The following PTGIS variants were observed in gnomAD, a reference collection of about 807,000 sequenced individuals.
The protein encoded by PTGIS is prostaglandin I2 synthase.
A neutral mutation model predicts 50.3 loss-of-function variants in PTGIS; 45 were observed. The ratio of observed to expected loss-of-function variants is 0.90; its 90% CI spans 0.70 to 1.15. The LOEUF (loss-of-function observed/expected upper bound fraction) is 1.15. Among genes scored for constraint, PTGIS ranks in the 50% most tolerant of loss-of-function variants. The pLI is 0.00. For missense variants in PTGIS, 668 were observed against 661.3 expected (o/e 1.01, Z -0.11); for synonymous variants, 260 against 267.7 (o/e 0.97, Z 0.28).
At chr20:49,515,220 T>C (rs918054664) in intron 6 of PTGIS, among the ~76,000 whole-genome samples, 12 of 152,252 alleles carry the variant, frequency 7.9e-5, no homozygotes, top group African/African-American at 2.4e-4. Context: ...ACTTGAAGAA[T>C]AAATGTGTGT....
rs769808976 is a variant in PTGIS at position 49,539,627 on chromosome 20, T to C, written c.616A>G (p.Thr206Ala). The change falls in exon 5 of 10, where the codon ACC (threonine) becomes GCC (alanine). Residue 206 changes from threonine to alanine, a missense_variant. Transcript: ENST00000244043. ...DRVHSADVFHTFRQLDRLLPK... is the reference protein window; with the variant it reads ...DRVHSADVFHAFRQLDRLLPK... ...AGCAGCCGGTCGAGCTGGCGAAAGG[T>C]GTGGAAGACATCAGCTGAGTGGACG... The C allele has an allele frequency of 3.1e-6, 5 of 1,613,742 alleles. No homozygotes were observed. In the Middle Eastern group the frequency reaches 4.9e-4, roughly 160 times the overall value.
chr20:49,536,148 T>C (rs1982062871), intron 5 of PTGIS, among the ~76,000 whole-genome samples: 1 of 152,232 alleles, frequency 6.6e-6, no homozygotes, highest in South Asian at 2.1e-4. Flanking sequence ...TTGTCTCTAG[T>C]TGTGAGAACA....
chr20:49,552,562 C>T, intron 1 of PTGIS, among the ~76,000 whole-genome samples: 1 of 151,972 alleles, frequency 6.6e-6, no homozygotes, highest in Non-Finnish European at 1.5e-5. Context: ...TAGAGATATA[C>T]ATTTCCCTAT....
intron 1 of PTGIS, 67 bp downstream of exon 1, chr20:49,567,976 T>A: frequency 7.1e-7 from 1 of 1,405,544 alleles, no homozygotes; most frequent in Non-Finnish European, 9.3e-7. Flanking sequence ...TCCGAGACCC[T>A]TGGGCTGCAG....
intron 6 of PTGIS, among the ~76,000 whole-genome samples, chr20:49,515,333 AG>A (rs1199207017): frequency 6.6e-6 from 1 of 152,206 alleles, no homozygotes; most frequent in East Asian, 1.9e-4. Flanking sequence ...TAGGAAAACG[AG>A]TGGAATTTCT....
chr20:49,567,306 G>A (rs1279235448), intron 1 of PTGIS, among the ~76,000 whole-genome samples: 1 of 152,198 alleles, frequency 6.6e-6, no homozygotes, highest in Non-Finnish European at 1.5e-5. Context: ...GCTCAATGGA[G>A]CTGGAAAACC....
In PTGIS at chr20:49,504,270, C is replaced by T. The variant is rs942354097; in HGVS notation, c.*3650G>A. ...GTAACAGAGAAGAGAGAGCTCTCAGCCTTGGCCACACCAGCATGGAGCCCC... is the reference window on the plus strand; with the variant it reads ...GTAACAGAGAAGAGAGAGCTCTCAGTCTTGGCCACACCAGCATGGAGCCCC... On this transcript the variant is annotated 3_prime_UTR_variant, in exon 10 of 10. Coordinates refer to ENST00000244043, the MANE Select transcript of PTGIS (RefSeq NM_000961.4). 6.6e-6 allele frequency: 1 copy of T among 152,262 alleles called. No homozygotes were observed. Among genetic ancestry groups the T allele is most frequent in the Non-Finnish European group, 1.5e-5 (1 of 68,080 alleles). The allele number at this position is 152,262 out of a possible 1,614,324, so 9.4% of individuals were successfully genotyped here.
At chr20:49,543,622 C>T (rs1214554666) in intron 4 of PTGIS, among the ~76,000 whole-genome samples, 1 of 152,178 alleles carries the variant, frequency 6.6e-6, no homozygotes, top group East Asian at 1.9e-4. Context: ...CTGCTGTTTC[C>T]CCTGCCTAGA....
Position 49,513,168 on chromosome 20 carries a change from C to G in PTGIS, c.1118G>C (p.Arg373Pro). The part of the protein sequence containing the change: ...VDLAMPMADG[R>P]EFNLRRGDRL... ...GTCACCACGTCGCAGGTTGAATTCT[C>G]GCCCGTCTGCCATGGGCATGGCCAG... Residue 373 changes from arginine (R) to proline (P), a missense_variant, in exon 8 of 10, where the codon CGA (arginine) becomes CCA (proline). Physicochemically the swap from Arg to Pro is moderately radical, Grantham distance 103 (BLOSUM62 -2). Transcript: ENST00000244043. 1 of 1,614,152 alleles carries G rather than the reference C, an allele frequency of 6.2e-7. No individual in the cohort carries two copies. The highest frequency in any genetic ancestry group is 8.5e-7 in the Non-Finnish European group (1 of 1,180,032).
rs1442261381 is a variant in PTGIS at position 49,512,057 on chromosome 20, G to A, written c.1207-878C>T. On this transcript the variant is annotated intron_variant, in intron 8 of 9. Coordinates refer to ENST00000244043, the MANE Select transcript of PTGIS (RefSeq NM_000961.4). ...AGTGAGTGGGTAGATAAATGAGTGG[G>A]TGGATGGATGGATAAATGAGTAGAT... 4.6e-5 allele frequency among the ~76,000 whole-genome samples: 7 copies of A among 151,630 alleles called. 1 individual carries two copies. Among genetic ancestry groups the A allele is most frequent in the Admixed American group, 1.3e-4 (2 of 15,192 alleles).
At chr20:49,517,304 G>A (rs1601181477) in intron 6 of PTGIS, among the ~76,000 whole-genome samples, 2 of 152,198 alleles carry the variant, frequency 1.3e-5, no homozygotes, top group African/African-American at 4.8e-5. Flanking sequence ...ATCTGGCCCA[G>A]ATGGTTAGAT....
intron 1 of PTGIS, among the ~76,000 whole-genome samples, chr20:49,562,363 C>A (rs895418372): frequency 6.6e-6 from 1 of 152,250 alleles, no homozygotes; most frequent in Non-Finnish European, 1.5e-5. Context: ...GGCAGCTTTC[C>A]TCTTTCCCCA....
Position 49,511,198 on chromosome 20 carries a change from C to T in PTGIS, c.1207-19G>A. The T allele has an allele frequency of 1.2e-6, 2 of 1,613,606 alleles. No individual in the cohort carries two copies. Among genetic ancestry groups the T allele is most frequent in the Non-Finnish European group, 1.7e-6 (2 of 1,179,982 alleles). ...TAAATACCTGAAATAGGAAGAAGGTCCTTTTCTGACCCCATTCCCAGAACA... is the reference window on the plus strand; with the variant it reads ...TAAATACCTGAAATAGGAAGAAGGTTCTTTTCTGACCCCATTCCCAGAACA... On this transcript the variant is annotated intron_variant, in intron 8 of 9. Transcript: ENST00000244043.
At chr20:49,539,459 C>T (rs1982165775) in intron 5 of PTGIS, 111 bp downstream of exon 5, 9 of 1,263,912 alleles carry the variant, frequency 7.1e-6, no homozygotes, top group African/African-American at 1.5e-5. Flanking sequence ...CCTCCCTGGG[C>T]ATTGGATGTC....
chr20:49,563,407 A>G (rs575123434), intron 1 of PTGIS, among the ~76,000 whole-genome samples: 25 of 152,304 alleles, frequency 1.6e-4, no homozygotes, highest in Non-Finnish European at 4.4e-5. Flanking sequence ...TGAAATAGAC[A>G]CAAATTCACA....
chr20:49,548,992 G>A (rs1982438851), intron 2 of PTGIS, among the ~76,000 whole-genome samples: 1 of 151,930 alleles, frequency 6.6e-6, no homozygotes. Context: ...CATGGAAGGT[G>A]GGTGGGTGGT....
At chr20:49,509,560 A>G (rs1325955365) in intron 9 of PTGIS, among the ~76,000 whole-genome samples, 2 of 152,186 alleles carry the variant, frequency 1.3e-5, no homozygotes. Context: ...AATATAATGC[A>G]AGTTTCACAT....
chr20:49,512,110 T>C (rs556331961), intron 8 of PTGIS, among the ~76,000 whole-genome samples: 1 of 151,456 alleles, frequency 6.6e-6, no homozygotes, highest in East Asian at 2.0e-4. Flanking sequence ...GATGGATAGA[T>C]GGATGGATTC....
At chr20:49,546,924 C>G (rs1328697216) in intron 3 of PTGIS, among the ~76,000 whole-genome samples, 1 of 152,202 alleles carries the variant, frequency 6.6e-6, no homozygotes, top group East Asian at 1.9e-4. Flanking sequence ...CATCTGTTCT[C>G]TTATTGATAT....
Sources: gnomAD v4.1 joint callset for allele counts (sites outside exome capture counted in the v4.1 genomes callset) on GRCh38, gnomAD v4.1.1 for gene constraint, MANE v1.5 for transcripts, NCBI Gene and HGNC (gene_info 2026-07-23, HGNC 2026-07-21) for gene names.